Variants in ZNF695 observed in about 807,000 individuals in gnomAD.
ZNF695 encodes the protein zinc finger protein SBZF3.
A neutral mutation model predicts 11.2 loss-of-function variants in ZNF695; 11 were observed. The observed-to-expected ratio is 0.98, with a 90% CI of 0.62 to 1.62. The LOEUF (loss-of-function observed/expected upper bound fraction) is 1.62, where lower values mean the gene tolerates loss of function less well. Ranked by LOEUF, ZNF695 falls within the 40% of genes most tolerant of loss-of-function variation. The probability of loss-of-function intolerance (pLI) is 0.00; values close to 1 mark genes in which losing one functional copy is unlikely to be tolerated. For synonymous variants in ZNF695, 190 were observed against 201.4 expected, an observed-to-expected ratio of 0.94 and a Z score of 0.48; for missense variants, 559 against 590.5, an observed-to-expected ratio of 0.95 and a Z score of 0.55.
chr1:246,966,993 C>T (rs1463140541), intron 5 of ZNF695: 1 of 392,096 alleles, frequency 2.6e-6, no homozygotes, highest in Non-Finnish European at 5.0e-6. Flanking sequence ...GGCTGGAGTG[C>T]AATGGCGCAA....
At chr1:246,956,089 A>G (rs1381566990) in intron 5 of ZNF695, among the ~76,000 whole-genome samples, 1 of 151,308 alleles carries the variant, frequency 6.6e-6, no homozygotes, top group African/African-American at 2.4e-5. Context: ...CCTGGGTTCA[A>G]GCAGTTCTCT....
chr1:247,004,651 T>G (rs934654437), intron 1 of ZNF695, among the ~76,000 whole-genome samples: 1 of 152,178 alleles, frequency 6.6e-6, no homozygotes, highest in Non-Finnish European at 1.5e-5. Context: ...TATCCTTGTT[T>G]GCAAATGATA....
intron 4 of ZNF695, among the ~76,000 whole-genome samples, chr1:246,976,567 G>C (rs1668564822): frequency 6.6e-6 from 1 of 151,724 alleles, no homozygotes; most frequent in Non-Finnish European, 1.5e-5. Context: ...GGCCAAGGCG[G>C]GCAGATCACG....
At chr1:247,006,018 G>A (rs918671072) in intron 1 of ZNF695, among the ~76,000 whole-genome samples, 1 of 151,998 alleles carries the variant, frequency 6.6e-6, no homozygotes, top group African/African-American at 2.4e-5. Context: ...AAGGTCAGGA[G>A]ATCGAGATCA....
intron 1 of ZNF695, 34 bp from the exon 2 acceptor site, chr1:247,000,108 G>A (rs1294960318): frequency 1.3e-5 from 21 of 1,566,698 alleles, no homozygotes; most frequent in East Asian, 2.3e-5. Flanking sequence ...AAGTGGTCAC[G>A]GCAGAGTTCT....
intron 5 of ZNF695, among the ~76,000 whole-genome samples, chr1:246,964,713 A>G (rs1485407220): frequency 6.6e-6 from 1 of 152,268 alleles, no homozygotes; most frequent in East Asian, 1.9e-4. Flanking sequence ...TCTACTAAAA[A>G]TACAAAAATT....
At position 246,945,922 on chromosome 1, in the gene ZNF695, A is replaced by G. The variant is rs535564327; in HGVS notation, c.489-95T>C. On this transcript the variant is annotated intron_variant, in intron 5 of 5. Coordinates refer to the ZNF695 transcript ENST00000487338. The stretch of plus-strand genomic sequence containing the variant: ...GGTGTTAAACCGGTTCTGATTGAAG[A>G]CTTGGTTCCATTGGAGAAGTCTGTC... The G allele has an allele frequency of 2.1e-5, 31 of 1,465,480 alleles. No individual in the cohort carries two copies. The African/African-American group carries it at 2.2e-4, about 11-fold the overall frequency. The allele number at this position is 1,465,480 out of a possible 1,614,324, so 90.8% of individuals were successfully genotyped here.
At chr1:246,996,741 C>A (rs938840156) in intron 3 of ZNF695, among the ~76,000 whole-genome samples, 3 of 152,084 alleles carry the variant, frequency 2.0e-5, no homozygotes, top group Non-Finnish European at 4.4e-5. Context: ...AAATGAAAAT[C>A]TTGGTGACAT....
At chr1:246,962,989 A>G (rs1668200590) in intron 5 of ZNF695, among the ~76,000 whole-genome samples, 1 of 152,086 alleles carries the variant, frequency 6.6e-6, no homozygotes. Context: ...GAAACCTTTC[A>G]ACGATTCCTC....
intron 4 of ZNF695, among the ~76,000 whole-genome samples, chr1:246,979,504 C>T (rs1668650427): frequency 2.0e-5 from 3 of 152,124 alleles, no homozygotes. Context: ...CACTACAGAT[C>T]CTTGAGACCT....
At chr1:246,976,723 G>A (rs1002470754) in intron 4 of ZNF695, among the ~76,000 whole-genome samples, 6 of 152,260 alleles carry the variant, frequency 3.9e-5, no homozygotes, top group Admixed American at 1.3e-4. Context: ...GAACCCGGGA[G>A]GCAGAGCTTG....
chr1:246,966,969 A>C (rs1668306645), intron 5 of ZNF695: 1 of 413,116 alleles, frequency 2.4e-6, no homozygotes, highest in African/African-American at 2.1e-5. Context: ...ACAGAGTTTC[A>C]CTCTTGTCGC....
intron 5 of ZNF695, among the ~76,000 whole-genome samples, chr1:246,950,393 T>A (rs542593811): frequency 3.9e-5 from 6 of 152,306 alleles, no homozygotes; most frequent in African/African-American, 1.4e-4. Flanking sequence ...CTCACGCCTC[T>A]AATCCCAGCA....
chr1:246,997,402 C>T (rs1669243566), intron 3 of ZNF695, among the ~76,000 whole-genome samples: 1 of 151,818 alleles, frequency 6.6e-6, no homozygotes, highest in Non-Finnish European at 1.5e-5. Context: ...ACTGGGGAGG[C>T]TGAGGCAGGA....
chr1:246,981,389 C>A (rs1193394497), downstream of ZNF695, among the ~76,000 whole-genome samples: 1 of 152,024 alleles, frequency 6.6e-6, no homozygotes, highest in African/African-American at 2.4e-5. Context: ...TATATATCCA[C>A]AAAAATAAAA....
rs1380105431 is a variant in ZNF695, at chr1:246,962,696, C to CTTT, written c.488+4996_488+4998dup. ...CCCCTTCTGCCAGCTTGAAACCTTT[C>CTTT]TTTTTTTTTTTTTTGAGACGGAGTC... On this transcript the variant is annotated intron_variant, in intron 5 of 5. Transcript: ENST00000487338. Among the ~76,000 whole-genome samples, 828 of 143,940 alleles carry CTTT rather than the reference C, an allele frequency of 5.8e-3. 6 individuals carry two copies. Among genetic ancestry groups the CTTT allele is most frequent in the South Asian group, 0.017 (77 of 4,548 alleles). The allele number at this position is 143,940 out of a possible 152,430, so 94.4% of individuals were successfully genotyped here.
downstream of ZNF695, among the ~76,000 whole-genome samples, chr1:246,984,274 AG>A (rs199693797): frequency 1.7e-3 from 247 of 141,602 alleles, 24 homozygotes; most frequent in South Asian, 0.013. Context: ...GCCATAACAC[AG>A]GTTTTAAAAA....
intron 4 of ZNF695, among the ~76,000 whole-genome samples, chr1:246,972,931 G>GTATATATA (rs57441901): frequency 6.9e-6 from 1 of 145,144 alleles, no homozygotes; most frequent in Non-Finnish European, 1.5e-5. Flanking sequence ...TTTTTAATGT[G>GTATATATA]TATATATATA....
At chr1:246,997,941 A>G (rs1338748226) in intron 3 of ZNF695, among the ~76,000 whole-genome samples, 1 of 152,242 alleles carries the variant, frequency 6.6e-6, no homozygotes, top group Non-Finnish European at 1.5e-5. Context: ...TTTCAGTTAT[A>G]AAATAAATAA....
Sources: gnomAD v4.1 joint callset for allele counts (sites outside exome capture counted in the v4.1 genomes callset) on GRCh38, gnomAD v4.1.1 for gene constraint, MANE v1.5 for transcripts, NCBI Gene and HGNC (gene_info 2026-07-23, HGNC 2026-07-21) for gene names.